MAP4: variants seen among roughly 807,000 people sequenced by gnomAD.
The protein encoded by MAP4 is microtubule associated protein 4.
Under a neutral mutation model 170.2 loss-of-function variants are expected in MAP4, and 76 were observed. The observed-to-expected ratio is 0.45, with a 90% confidence interval of 0.37 to 0.54. The LOEUF (loss-of-function observed/expected upper bound fraction) is 0.54, where lower values mean the gene tolerates loss of function less well. MAP4 is among the 20% of genes least tolerant of loss of function. The pLI, the probability that MAP4 is intolerant of heterozygous loss-of-function variation, is 0.00. For missense variants in MAP4, 2,506 were observed against 2,748.0 expected, an observed-to-expected ratio of 0.91 and a Z score of 1.97; for synonymous variants, 909 against 994.5, an observed-to-expected ratio of 0.91 and a Z score of 1.62.
intron 17 of MAP4, among the ~76,000 whole-genome samples, chr3:47,863,913 T>G (rs1345654804): frequency 3.0e-5 from 4 of 131,618 alleles, no homozygotes; most frequent in African/African-American, 9.9e-5. Flanking sequence ...TGTGTGTGTG[T>G]GGGTGTGGGT....
rs1285880513 is a variant in MAP4 at position 47,877,419 on chromosome 3, T to C, written c.5539A>G (p.Lys1847Glu). The change falls in exon 11 of 21, where the codon AAG becomes GAG. Residue 1847 changes from lysine (K) to glutamate (E), a missense_variant and splice_region_variant. Lys to Glu is a moderately conservative substitution (Grantham distance 56). Transcript: ENST00000683076. Reference sequence around the variant, plus strand: ...ATAACCACCATTCTGGCACCTACCTTTGTTTTCTTCTCTGGGCTTGGTGGG... The same window carrying C: ...ATAACCACCATTCTGGCACCTACCTCTGTTTTCTTCTCTGGGCTTGGTGGG... ...ELPPSPEKKT[K>E]PLATTQPAKT... 1.2e-6 allele frequency: 2 copies of C among 1,613,230 alleles called. No individual in the cohort carries two copies. The highest frequency in any genetic ancestry group is 1.7e-5 in the Admixed American group (1 of 60,012).
At chr3:48,034,719 T>G (rs1041912414) in intron 1 of MAP4, among the ~76,000 whole-genome samples, 2 of 148,128 alleles carry the variant, frequency 1.4e-5, no homozygotes, top group African/African-American at 5.0e-5. Flanking sequence ...ATAAAAAATT[T>G]TTTTTCACTT....
chr3:48,043,185 C>T (rs1256107035), intron 1 of MAP4, among the ~76,000 whole-genome samples: 1 of 152,198 alleles, frequency 6.6e-6, no homozygotes, highest in Non-Finnish European at 1.5e-5. Flanking sequence ...ACTGCAACCT[C>T]CGCCTCCTGA....
At chr3:47,901,067 G>C (rs2100029716) in intron 10 of MAP4, among the ~76,000 whole-genome samples, 1 of 152,060 alleles carries the variant, frequency 6.6e-6, no homozygotes, top group African/African-American at 2.4e-5. Context: ...TTACACAGCT[G>C]TCCCCTAGAA....
chr3:47,854,039 CGT>C (rs2049814585), intron 19 of MAP4, among the ~76,000 whole-genome samples: 1 of 152,202 alleles, frequency 6.6e-6, no homozygotes, highest in African/African-American at 2.4e-5. Context: ...AGCTGGAAAG[CGT>C]GTGTCGCCAA....
chr3:47,872,305 T>C (rs770632864), intron 12 of MAP4, among the ~76,000 whole-genome samples: 1 of 152,180 alleles, frequency 6.6e-6, no homozygotes, highest in Non-Finnish European at 1.5e-5. Flanking sequence ...TGACTCAGCC[T>C]CCAGAGTAGC....
intron 3 of MAP4, among the ~76,000 whole-genome samples, chr3:47,944,206 A>G (rs1461098928): frequency 6.6e-6 from 1 of 152,016 alleles, no homozygotes. Context: ...GCTAATCAGG[A>G]GGCTGAGGCA....
At chr3:47,945,001 G>A (rs1014374668) in intron 3 of MAP4, among the ~76,000 whole-genome samples, 2 of 150,688 alleles carry the variant, frequency 1.3e-5, no homozygotes, top group Admixed American at 6.6e-5. Flanking sequence ...AAATGATCTG[G>A]GGTTTGCTTC....
At chr3:48,017,882 C>T (rs1401367132), upstream of MAP4, among the ~76,000 whole-genome samples, 1 of 152,066 alleles carries the variant, frequency 6.6e-6, no homozygotes. Flanking sequence ...GGACAGGTTT[C>T]GTGGAAAACA....
intron 1 of MAP4, among the ~76,000 whole-genome samples, chr3:48,012,691 C>CCTGGG (rs1365118412): frequency 6.6e-6 from 1 of 152,060 alleles, no homozygotes; most frequent in Non-Finnish European, 1.5e-5. Context: ...CAGATGACTT[C>CCTGGG]CTGGGCTGCA....
At chr3:48,030,485 T>TAA (rs58814432) in intron 1 of MAP4, among the ~76,000 whole-genome samples, 1 of 145,964 alleles carries the variant, frequency 6.9e-6, no homozygotes, top group African/African-American at 2.6e-5. Flanking sequence ...AAAATAAAAA[T>TAA]AAAAAAAAAA....
intron 10 of MAP4, among the ~76,000 whole-genome samples, chr3:47,901,760 TAA>T: frequency 6.6e-6 from 1 of 151,948 alleles, no homozygotes; most frequent in Non-Finnish European, 1.5e-5. Context: ...AAATCAAAAC[TAA>T]GTTTTTATTT....
upstream of MAP4, among the ~76,000 whole-genome samples, chr3:48,018,314 GAGGAGAC>G (rs963737217): frequency 6.6e-6 from 1 of 152,188 alleles, no homozygotes; most frequent in Non-Finnish European, 1.5e-5. Flanking sequence ...GTAGACTACA[GAGGAGAC>G]AGGCCAAAAT....
Position 47,912,132 on chromosome 3 carries a change from G to A in MAP4, c.2289C>T (p.Ser763=), listed in dbSNP as rs1225349201. ...DLGREAWDIE[S]TPIMMKKKKK... ...TCTTTTTCTTCATCATTATTGGTGT[G>A]CTTTCTATATCCCAGGCCTCCCTGC... The change falls in exon 9 of 21, where the codon AGC becomes AGT. Residue 763 remains serine, a synonymous_variant. Transcript: ENST00000683076. 4 of 1,536,120 alleles carry A rather than the reference G, an allele frequency of 2.6e-6. No individual in the cohort carries two copies. Among genetic ancestry groups the A allele is most frequent in the Admixed American group, 2.0e-5 (1 of 51,004 alleles).
At chr3:47,962,638 G>A (rs2100072330) in intron 3 of MAP4, among the ~76,000 whole-genome samples, 1 of 151,888 alleles carries the variant, frequency 6.6e-6, no homozygotes, top group Admixed American at 6.6e-5. Flanking sequence ...TCCAAATATT[G>A]GCCATTAAAA....
At chr3:48,013,982 G>C (rs1428013380) in intron 1 of MAP4, among the ~76,000 whole-genome samples, 2 of 152,064 alleles carry the variant, frequency 1.3e-5, no homozygotes, top group Admixed American at 1.3e-4. Context: ...TAGTGAGCCG[G>C]GTTTTTTAAA....
intron 2 of MAP4, 108 bp downstream of exon 2, chr3:47,998,530 C>T: frequency 2.4e-6 from 2 of 830,716 alleles, no homozygotes; most frequent in East Asian, 2.4e-5. Context: ...AGTTACTAGC[C>T]TACACTAAAA....
intron 10 of MAP4, among the ~76,000 whole-genome samples, chr3:47,888,735 G>T (rs1288740781): frequency 2.0e-5 from 3 of 152,256 alleles, no homozygotes; most frequent in African/African-American, 7.2e-5. Context: ...TTGAAGCTTA[G>T]CAAGATTGGA....
intron 8 of MAP4, among the ~76,000 whole-genome samples, chr3:47,913,186 C>G (rs750940940): frequency 2.0e-5 from 3 of 152,150 alleles, no homozygotes; most frequent in Non-Finnish European, 4.4e-5. Flanking sequence ...AGCAGGTGAT[C>G]TGGTCTAACC....
Sources: gnomAD v4.1 joint callset for allele counts (sites outside exome capture counted in the v4.1 genomes callset) on GRCh38, gnomAD v4.1.1 for gene constraint, MANE v1.5 for transcripts, NCBI Gene and HGNC (gene_info 2026-07-23, HGNC 2026-07-21) for gene names.